TMOD3: variants seen among roughly 807,000 people sequenced by gnomAD.
TMOD3 encodes the protein tropomodulin 3.
TMOD3 carries 20 observed loss-of-function variants against 39.2 expected under a neutral mutation model. The ratio of observed to expected loss-of-function variants is 0.51; its 90% CI spans 0.36 to 0.74. The LOEUF is 0.74. TMOD3 is among the 30% of genes least tolerant of loss of function. The pLI, the probability that TMOD3 is intolerant of heterozygous loss-of-function variation, is 0.00. For synonymous variants in TMOD3, 143 were observed against 145.8 expected, an observed-to-expected ratio of 0.98 and a Z score of 0.14; for missense variants, 381 against 412.8, an observed-to-expected ratio of 0.92 and a Z score of 0.67.
intron 1 of TMOD3, among the ~76,000 whole-genome samples, chr15:51,853,849 C>T (rs1003973936): frequency 6.6e-6 from 1 of 150,926 alleles, no homozygotes; most frequent in Non-Finnish European, 1.5e-5. Flanking sequence ...TTAATTTTGC[C>T]TGGGTGTGAG....
chr15:51,905,309 C>A (rs968247050), intron 9 of TMOD3, among the ~76,000 whole-genome samples: 1 of 152,026 alleles, frequency 6.6e-6, no homozygotes, highest in African/African-American at 2.4e-5. Flanking sequence ...ACCAGCCTGG[C>A]CAACATGGTG....
At chr15:51,904,838 A>C (rs1035737) in intron 9 of TMOD3, among the ~76,000 whole-genome samples, 54,780 of 152,046 alleles carry the variant, frequency 0.36, 10,312 homozygotes, top group Middle Eastern at 0.43. Flanking sequence ...GAGCAATTGA[A>C]TAGCCGTGCA....
At chr15:51,892,641 C>A (rs1403465105) in intron 5 of TMOD3, among the ~76,000 whole-genome samples, 1 of 152,194 alleles carries the variant, frequency 6.6e-6, no homozygotes, top group Non-Finnish European at 1.5e-5. Flanking sequence ...CCCACTTTCC[C>A]ACTGCAGAGT....
intron 3 of TMOD3, among the ~76,000 whole-genome samples, chr15:51,881,889 G>A (rs1352508904): frequency 6.6e-6 from 1 of 151,156 alleles, no homozygotes; most frequent in Non-Finnish European, 1.5e-5. Flanking sequence ...TTAGGGTTTT[G>A]TTTTTATTTT....
chr15:51,866,942 G>A (rs912374401), intron 2 of TMOD3, among the ~76,000 whole-genome samples: 1 of 152,164 alleles, frequency 6.6e-6, no homozygotes. Context: ...GTGATGAGAG[G>A]TTAAGAAAAG....
chr15:51,838,733 C>G (rs1463872601), intron 1 of TMOD3, among the ~76,000 whole-genome samples: 1 of 152,152 alleles, frequency 6.6e-6, no homozygotes, highest in Non-Finnish European at 1.5e-5. Context: ...TTCCCTGTAG[C>G]CCCAGCCCTG....
At chr15:51,839,682 G>A (rs1322911912) in intron 1 of TMOD3, among the ~76,000 whole-genome samples, 1 of 152,014 alleles carries the variant, frequency 6.6e-6, no homozygotes, top group African/African-American at 2.4e-5. Flanking sequence ...AAGTAGCTGG[G>A]ACTACAATTT....
intron 1 of TMOD3, chr15:51,833,335 C>G (rs1349548333): frequency 6.6e-6 from 1 of 152,146 alleles, no homozygotes; most frequent in Non-Finnish European, 1.5e-5. Flanking sequence ...TCATTTGAAA[C>G]AAAATTGTTA....
intron 8 of TMOD3, chr15:51,901,581 G>GTGTGTGTA (rs1467905258): frequency 3.6e-6 from 1 of 278,734 alleles, no homozygotes; most frequent in Non-Finnish European, 6.8e-6. Context: ...TAGTGTGTGT[G>GTGTGTGTA]TGTGTGTGTG....
chr15:51,882,367 C>A (rs182273329), intron 3 of TMOD3, among the ~76,000 whole-genome samples: 3 of 151,850 alleles, frequency 2.0e-5, no homozygotes, highest in African/African-American at 7.2e-5. Flanking sequence ...GGCAAAACCC[C>A]ATCTACTAGT....
At chr15:51,854,134 CT>C (rs2056376657) in intron 1 of TMOD3, among the ~76,000 whole-genome samples, 1 of 152,134 alleles carries the variant, frequency 6.6e-6, no homozygotes, top group Admixed American at 6.5e-5. Flanking sequence ...GGAGATTGGA[CT>C]TTCTCTTGTA....
chr15:51,874,957 T>TC (rs1225951829), intron 3 of TMOD3: 2 of 152,230 alleles, frequency 1.3e-5, no homozygotes, highest in East Asian at 3.8e-4. Flanking sequence ...TTTTCTCTTT[T>TC]CCTATCCTGA....
At chr15:51,854,516 C>G (rs1165359942) in intron 1 of TMOD3, among the ~76,000 whole-genome samples, 1 of 152,226 alleles carries the variant, frequency 6.6e-6, no homozygotes, top group Non-Finnish European at 1.5e-5. Context: ...CATAGACTAT[C>G]TCTCTGAATC....
At chr15:51,873,055 G>A (rs1021226747) in intron 3 of TMOD3, among the ~76,000 whole-genome samples, 1 of 152,140 alleles carries the variant, frequency 6.6e-6, no homozygotes, top group African/African-American at 2.4e-5. Flanking sequence ...ATAGCAAAAA[G>A]CCACCTCTAA....
intron 5 of TMOD3, among the ~76,000 whole-genome samples, chr15:51,891,004 C>T (rs2056590177): frequency 6.6e-6 from 1 of 152,018 alleles, no homozygotes; most frequent in Non-Finnish European, 1.5e-5. Context: ...TAAATATTTC[C>T]ATATGTGTGT....
At chr15:51,842,363 G>A (rs1461749475) in intron 1 of TMOD3, among the ~76,000 whole-genome samples, 2 of 152,022 alleles carry the variant, frequency 1.3e-5, no homozygotes, top group African/African-American at 2.4e-5. Context: ...TTTATATACC[G>A]TCAACTTTAC....
chr15:51,855,450 T>G (rs889836485), intron 1 of TMOD3, among the ~76,000 whole-genome samples: 1 of 152,240 alleles, frequency 6.6e-6, no homozygotes, highest in African/African-American at 2.4e-5. Context: ...GAAAATAGTC[T>G]GAACATATCA....
chr15:51,890,169 ATT>A (rs67190705), intron 5 of TMOD3, among the ~76,000 whole-genome samples: 12 of 140,350 alleles, frequency 8.6e-5, no homozygotes, highest in Non-Finnish European at 1.1e-4. Flanking sequence ...CTATTAGCTA[ATT>A]TTTTTTTTTT....
At chr15:51,899,330 A>G (rs2056637303) in intron 7 of TMOD3, among the ~76,000 whole-genome samples, 1 of 152,208 alleles carries the variant, frequency 6.6e-6, no homozygotes, top group Admixed American at 6.5e-5. Context: ...GGGGAATTAC[A>G]TGTGACCAAA....
Sources: allele counts gnomAD v4.1 joint callset (sites outside exome capture counted in the v4.1 genomes callset), GRCh38; gene constraint gnomAD v4.1.1; transcripts MANE v1.5; gene names NCBI Gene and HGNC (gene_info 2026-07-23, HGNC 2026-07-21).